ASIC2: variants seen among roughly 807,000 people sequenced by gnomAD.
The protein encoded by ASIC2 is acid sensing ion channel subunit 2.
A neutral mutation model predicts 57.3 loss-of-function variants in ASIC2; 25 were observed. The observed-to-expected ratio is 0.44, with a 90% CI of 0.32 to 0.61. The LOEUF is 0.61. Among genes scored for constraint, ASIC2 ranks in the 20% least tolerant of loss-of-function variants. The pLI, the probability that ASIC2 is intolerant of heterozygous loss-of-function variation, is 0.06. For missense variants in ASIC2, 641 were observed against 738.1 expected (o/e 0.87, Z 1.52); for synonymous variants, 319 against 307.5 (o/e 1.04, Z -0.39).
At chr17:33,854,153 C>T (rs1049920032) in intron 1 of ASIC2, among the ~76,000 whole-genome samples, 1 of 152,162 alleles carries the variant, frequency 6.6e-6, no homozygotes, top group African/African-American at 2.4e-5. Flanking sequence ...AAGGAGGAGG[C>T]ACATTTCTTT....
intron 1 of ASIC2, among the ~76,000 whole-genome samples, chr17:33,734,295 C>T (rs79024008): frequency 6.6e-6 from 1 of 151,820 alleles, no homozygotes; most frequent in East Asian, 1.9e-4. Context: ...CCGTGAGAGG[C>T]CAGCCTTTCC....
chr17:33,874,298 A>G (rs1914498561), intron 1 of ASIC2, among the ~76,000 whole-genome samples: 1 of 152,216 alleles, frequency 6.6e-6, no homozygotes, highest in African/African-American at 2.4e-5. Flanking sequence ...CTCTGCTTCA[A>G]CTAGGGCTGC....
intron 1 of ASIC2, among the ~76,000 whole-genome samples, chr17:33,278,391 T>C (rs1222462770): frequency 6.6e-6 from 1 of 152,004 alleles, no homozygotes; most frequent in African/African-American, 2.4e-5. Context: ...TGCGTCTCTG[T>C]AGTCCCAGCT....
chr17:33,661,952 T>G (rs1907282181), intron 1 of ASIC2, among the ~76,000 whole-genome samples: 1 of 152,164 alleles, frequency 6.6e-6, no homozygotes, highest in Admixed American at 6.5e-5. Flanking sequence ...TCTGTCCCCC[T>G]CTACTCATCC....
chr17:33,136,309 T>C (rs1217455697), intron 1 of ASIC2, among the ~76,000 whole-genome samples: 1 of 152,248 alleles, frequency 6.6e-6, no homozygotes, highest in Non-Finnish European at 1.5e-5. Context: ...GTTTCAGCTC[T>C]TACACTTATG....
At chr17:33,365,030 C>T (rs368165812) in intron 1 of ASIC2, among the ~76,000 whole-genome samples, 77 of 152,308 alleles carry the variant, frequency 5.1e-4, no homozygotes, top group Middle Eastern at 3.4e-3. Flanking sequence ...CTCTTTAGCA[C>T]GGATATGAGG....
chr17:33,213,289 G>A (rs1475556924), intron 1 of ASIC2, among the ~76,000 whole-genome samples: 1 of 152,208 alleles, frequency 6.6e-6, no homozygotes, highest in Non-Finnish European at 1.5e-5. Context: ...ACCTTGCTTG[G>A]AAAGACCAGA....
At chr17:33,515,930 T>TA (rs978131947) in intron 1 of ASIC2, among the ~76,000 whole-genome samples, 26 of 150,770 alleles carry the variant, frequency 1.7e-4, no homozygotes, top group East Asian at 7.8e-4. Flanking sequence ...ACCCGGTCTC[T>TA]AAAAAAAAAT....
chr17:34,136,475 A>T (rs972262675), intron 1 of ASIC2, among the ~76,000 whole-genome samples: 1 of 152,112 alleles, frequency 6.6e-6, no homozygotes, highest in Non-Finnish European at 1.5e-5. Context: ...CCACAACCCT[A>T]CTTACTTAAT....
chr17:33,631,900 T>G (rs1023968098), intron 1 of ASIC2, among the ~76,000 whole-genome samples: 28 of 152,194 alleles, frequency 1.8e-4, no homozygotes, highest in African/African-American at 6.8e-4. Flanking sequence ...GTAGGACAGA[T>G]GACCTTTAGG....
At chr17:33,118,819 C>A (rs1182667207) in intron 1 of ASIC2, among the ~76,000 whole-genome samples, 1 of 152,102 alleles carries the variant, frequency 6.6e-6, no homozygotes, top group African/African-American at 2.4e-5. Flanking sequence ...CATGCCAGGG[C>A]TTGGAAATAA....
At chr17:33,211,817 A>T (rs138446996) in intron 1 of ASIC2, among the ~76,000 whole-genome samples, 1 of 152,190 alleles carries the variant, frequency 6.6e-6, no homozygotes, top group African/African-American at 2.4e-5. Flanking sequence ...CTTAAAATCA[A>T]TGAGGCTGTG....
chr17:33,426,591 C>T (rs1284838590), intron 1 of ASIC2, among the ~76,000 whole-genome samples: 2 of 152,212 alleles, frequency 1.3e-5, no homozygotes, highest in East Asian at 1.9e-4. Context: ...AATATATTTG[C>T]CATCAGGGCT....
At chr17:34,021,627 T>C (rs987033958) in intron 1 of ASIC2, among the ~76,000 whole-genome samples, 1 of 152,120 alleles carries the variant, frequency 6.6e-6, no homozygotes, top group Admixed American at 6.5e-5. Context: ...TCTCTCCCCC[T>C]TCCTCTAAAC....
intron 7 of ASIC2, among the ~76,000 whole-genome samples, chr17:33,018,404 C>G (rs1001439100): frequency 6.6e-6 from 1 of 152,236 alleles, no homozygotes. Context: ...TAAGTTCCCG[C>G]TGGGGGTAAG....
intron 1 of ASIC2, among the ~76,000 whole-genome samples, chr17:33,654,484 G>A (rs999137540): frequency 6.6e-6 from 1 of 152,190 alleles, no homozygotes. Context: ...AAATCTCAAG[G>A]AGTGACACAC....
chr17:34,028,655 A>G (rs989207472), intron 1 of ASIC2, among the ~76,000 whole-genome samples: 13 of 152,218 alleles, frequency 8.5e-5, no homozygotes, highest in African/African-American at 3.1e-4. Context: ...CTGGAGTCAT[A>G]AAATATTGGA....
intron 1 of ASIC2, among the ~76,000 whole-genome samples, chr17:33,269,165 C>G (rs567000590): frequency 6.6e-6 from 1 of 152,124 alleles, no homozygotes; most frequent in Non-Finnish European, 1.5e-5. Context: ...AGATTCAGAC[C>G]AGTTTTTGTG....
chr17:33,291,796 C>A lies in ASIC2; in HGVS notation c.320G>T (p.Arg107Leu). 1 of 1,613,570 alleles carries A rather than the reference C, an allele frequency of 6.2e-7. No individual in the cohort carries two copies. The highest frequency in any genetic ancestry group is 8.5e-7 in the Non-Finnish European group (1 of 1,179,870). ...FGLLLSWSSN[R>L]LLYWLSFPSH... The stretch of plus-strand genomic sequence containing the variant: ...CGGGAAGCTGAGCCAGTAGAGCAAG[C>A]GGTTCGAGGACCAGGACAGCAGCAA... Residue 107 changes from arginine to leucine, a missense_variant, in exon 1 of 10, where the codon CGC becomes CTC. Around this residue, in one of 3 missense-constraint regions of ASIC2, gnomAD observed 382 missense variants for 398.0 expected, o/e 0.96. Coordinates refer to ENST00000225823, the MANE Select transcript of ASIC2 (RefSeq NM_183377.2).
Sources: gnomAD v4.1 joint callset for allele counts (sites outside exome capture counted in the v4.1 genomes callset) on GRCh38, gnomAD v4.1.1 for gene constraint, gnomAD v4.1.1 regional missense constraint, MANE v1.5 for transcripts, NCBI Gene and HGNC (gene_info 2026-07-23, HGNC 2026-07-21) for gene names.